Variants in SPDYE4 observed in about 807,000 individuals in gnomAD.
SPDYE4 encodes the protein speedy/RINGO cell cycle regulator family member E4, also known as speedy protein E4.
Under a neutral mutation model 37.5 loss-of-function variants are expected in SPDYE4, and 30 were observed. That is an observed-to-expected ratio of 0.80 (90% confidence interval 0.60 to 1.09). The LOEUF is 1.09. Ranked by LOEUF, SPDYE4 falls within the 50% of genes least tolerant of loss-of-function variation. SPDYE4 has a pLI of 0.00. For missense variants in SPDYE4, 300 were observed against 307.9 expected (o/e 0.97, Z 0.19); for synonymous variants, 131 against 120.3 (o/e 1.09, Z -0.58).
chr17:8,757,630 T>TTTCTCC (rs3830393), intron 1 of SPDYE4, 138 bp from the exon 2 acceptor site: 228,550 of 796,500 alleles, frequency 0.29, 37,682 homozygotes, highest in Admixed American at 0.31. Context: ...TGTTTCCACC[T>TTTCTCC]TTCTCCTTTG....
chr17:8,753,218 T>TGAGAATCCCTG (rs2086741807), intron 5 of SPDYE4, 21 bp from the exon 6 acceptor site: 6 of 1,613,814 alleles, frequency 3.7e-6, no homozygotes, highest in Non-Finnish European at 4.2e-6. Flanking sequence ...ACACACCACT[T>TGAGAATCCCTG]GAGAAGCCAG....
chr17:8,757,121 A>G (rs563839450), intron 2 of SPDYE4, 141 bp downstream of exon 2: 113 of 764,928 alleles, frequency 1.5e-4, no homozygotes, highest in African/African-American at 1.4e-3. Flanking sequence ...CTAATCCTCT[A>G]TCTCCTAAGC....
At position 8,752,190 on chromosome 17, in the gene SPDYE4, G is replaced by A. The variant is rs551896504; in HGVS notation, c.*92C>T. Among the ~76,000 whole-genome samples, 8 of 152,158 alleles carry A rather than the reference G, an allele frequency of 5.3e-5. No individual in the cohort carries two copies. The highest frequency in any genetic ancestry group is 4.4e-5 in the Non-Finnish European group (3 of 68,008). ...CTTCCTGGTGTCTGGCATTAGCGTC[G>A]CGATAAACTTCCTGCTGAAAATTCC... is the stretch of plus-strand genomic sequence containing the variant. On this transcript the variant is annotated 3_prime_UTR_variant, in exon 7 of 7. Coordinates refer to ENST00000689094, the MANE Select transcript of SPDYE4 (RefSeq NM_001394956.1).
In SPDYE4 at chr17:8,757,173, ATTC is replaced by A. The variant is rs145487748; in HGVS notation, c.340+86_340+88del. ...GAGCGCTCATCCCCCAGGAGGGCAT[ATTC>A]TTCTTATTGGGAAAGTGTGATTATT... On this transcript the variant is annotated intron_variant, in intron 2 of 6. Coordinates refer to ENST00000689094, the MANE Select transcript of SPDYE4 (RefSeq NM_001394956.1). 8,517 of 1,290,600 alleles carry A rather than the reference ATTC, an allele frequency of 6.6e-3. 402 individuals carry two copies. In the African/African-American group the frequency reaches 0.11, roughly 17 times the overall value. 79.9% of individuals were successfully genotyped at this position (1,290,600 alleles called of 1,614,324 possible).
chr17:8,756,246 G>A (rs751418742), intron 3 of SPDYE4, 132 bp downstream of exon 3: 42 of 811,912 alleles, frequency 5.2e-5, no homozygotes, highest in Admixed American at 1.6e-4. Context: ...AAATGTGGGC[G>A]CCCAAGAGTA....
Position 8,758,318 on chromosome 17 carries a change from C to T in SPDYE4, c.65G>A (p.Arg22Gln), listed in dbSNP as rs577856472. ...ATCATCCACCACCACCTCGGGGGAC[C>T]GTACCGTTGTGCTAGGCTGGGGGCT... Reference protein sequence around the residue: ...EESPQPSTTVRSPEVVVDDEV... With the variant: ...EESPQPSTTVQSPEVVVDDEV... The change falls in exon 1 of 7, where the codon CGG becomes CAG. Residue 22 changes from arginine to glutamine, a missense_variant. Transcript: ENST00000689094. The T allele has an allele frequency of 2.3e-5, 36 of 1,550,666 alleles. No individual in the cohort carries two copies. Among genetic ancestry groups the T allele is most frequent in the Middle Eastern group, 1.7e-4 (1 of 5,988 alleles).
chr17:8,755,588 G>A lies in SPDYE4; in HGVS notation c.417C>T (p.Val139=). The change falls in exon 4 of 7, where the codon GTC becomes GTT. Residue 139 remains valine (V), a synonymous_variant. Coordinates refer to ENST00000689094, the MANE Select transcript of SPDYE4 (RefSeq NM_001394956.1). ...GGCCGGCACGGCTAAAATACGCTAT[G>A]ACCATAGCCAGGAGATACTGATGGA... ...RVSDKYLLAM[V]IAYFSRAGLF... 1 of 1,612,750 alleles carries A rather than the reference G, an allele frequency of 6.2e-7. No individual in the cohort carries two copies. Among genetic ancestry groups the A allele is most frequent in the Non-Finnish European group, 8.5e-7 (1 of 1,179,348 alleles).
At chr17:8,753,561 G>C in intron 4 of SPDYE4, 72 bp from the exon 5 acceptor site, 14 of 1,568,878 alleles carry the variant, frequency 8.9e-6, no homozygotes, top group Middle Eastern at 2.2e-4. Flanking sequence ...CAGCCTCTCA[G>C]AGAGGAGGGC....
Position 8,752,124 on chromosome 17 carries a change from C to T in SPDYE4, c.*158G>A, listed in dbSNP as rs150558384. Among the ~76,000 whole-genome samples the T allele has an allele frequency of 6.6e-6, 1 of 152,188 alleles. No individual in the cohort carries two copies. Among genetic ancestry groups the T allele is most frequent in the East Asian group, 1.9e-4 (1 of 5,184 alleles). On this transcript the variant is annotated 3_prime_UTR_variant, in exon 7 of 7. Coordinates refer to ENST00000689094, the MANE Select transcript of SPDYE4 (RefSeq NM_001394956.1). ...CTATTTTGCCCCTTCTAGAAGAGTC[C>T]AGCTTCTTCTAGATGATCTGCACAG... is the stretch of plus-strand genomic sequence containing the variant.
chr17:8,757,482 T>C lies in SPDYE4; in HGVS notation c.120A>G (p.Ile40Met), dbSNP rs2086783499. The C allele has an allele frequency of 1.9e-6, 3 of 1,609,204 alleles. No individual in the cohort carries two copies. The highest frequency in any genetic ancestry group is 2.5e-6 in the Non-Finnish European group (3 of 1,177,720). The change falls in exon 2 of 7, where the codon ATA becomes ATG. Residue 40 changes from isoleucine (I) to methionine (M), a missense_variant. Physicochemically the swap from Ile to Met is conservative, Grantham distance 10. Coordinates refer to ENST00000689094, the MANE Select transcript of SPDYE4 (RefSeq NM_001394956.1). ...DEVPGPSAPW[I>M]DPSPQPQSLG... is the part of the protein sequence containing the mutation. ...GGGATTGAGGCTGGGGGCTGGGATCTATCCAAGGGGCTGAGTGAAGAAACC... is the reference window on the plus strand; with the variant it reads ...GGGATTGAGGCTGGGGGCTGGGATCCATCCAAGGGGCTGAGTGAAGAAACC...
rs142364566 is a variant in SPDYE4 at position 8,753,423 on chromosome 17, G to A, written c.552C>T (p.Tyr184=). Residue 184 remains tyrosine (Y), a synonymous_variant, in exon 5 of 7, where the codon TAC becomes TAT. Transcript: ENST00000689094. ...AGGGTCGCTGGGAGTAGTTCTTCCC[G>A]TAGAGGAAGGAGAAGATGTCTTGTT... ...APKQDIFSFL[Y]GKNYSQRPLF... 2.3e-3 allele frequency: 3,738 copies of A among 1,608,886 alleles called. 63 individuals are homozygous for A. The African/African-American group carries it at 0.04, about 17-fold the overall frequency.
At chr17:8,755,691 G>A (rs1468114971) in intron 3 of SPDYE4, 86 bp from the exon 4 acceptor site, 2 of 1,492,372 alleles carry the variant, frequency 1.3e-6, no homozygotes, top group African/African-American at 2.8e-5. Flanking sequence ...ACAGGGGCTG[G>A]GGCGCGGTTG....
intron 1 of SPDYE4, 35 bp from the exon 2 acceptor site, chr17:8,757,527 C>T: frequency 6.2e-7 from 1 of 1,600,874 alleles, no homozygotes; most frequent in Non-Finnish European, 8.5e-7. Context: ...TGTCATGTTT[C>T]TGCCATTGAT....
In SPDYE4 at chr17:8,757,782, TCTC is replaced by T. The variant is rs151072480; in HGVS notation, c.110-293_110-291del. Among the ~76,000 whole-genome samples the T allele has an allele frequency of 2.5e-3, 310 of 123,632 alleles. 2 individuals are homozygous for T. Among genetic ancestry groups the T allele is most frequent in the African/African-American group, 4.9e-3 (173 of 35,024 alleles). 81.1% of individuals were successfully genotyped at this position (123,632 alleles called of 152,430 possible). On this transcript the variant is annotated intron_variant, in intron 1 of 6. Coordinates refer to ENST00000689094, the MANE Select transcript of SPDYE4 (RefSeq NM_001394956.1). The stretch of plus-strand genomic sequence containing the variant: ...GCTCTGTCTGCTCTCTCTCTCTCTC[TCTC>T]TTTTTTTTTTTTTTGAGATGGAGTC...
Position 8,757,009 on chromosome 17 carries a change from C to T in SPDYE4, c.340+253G>A, listed in dbSNP as rs192797351. ...AACTCCTGAGTTCAAGAGATCCTCC[C>T]GCCTCAGCCTCCCAAAGCACCAAGA... On this transcript the variant is annotated intron_variant, in intron 2 of 6. Coordinates refer to ENST00000689094, the MANE Select transcript of SPDYE4 (RefSeq NM_001394956.1). Among the ~76,000 whole-genome samples the T allele has an allele frequency of 2.0e-3, 302 of 152,118 alleles. 1 individual carries two copies. The South Asian group carries it at 0.02, about 10-fold the overall frequency.
At chr17:8,748,921 A>G (rs1244626291), downstream of SPDYE4, among the ~76,000 whole-genome samples, 2 of 152,178 alleles carry the variant, frequency 1.3e-5, no homozygotes, top group African/African-American at 4.8e-5. Context: ...CCAGTCACAC[A>G]GGCAGATTCA....
chr17:8,755,639 G>A (rs759034605), intron 3 of SPDYE4, 34 bp from the exon 4 acceptor site: 106 of 1,605,280 alleles, frequency 6.6e-5, no homozygotes, highest in East Asian at 3.6e-4. Context: ...AGAGAGAAAG[G>A]TTGGTCACAT....
intron 5 of SPDYE4, 38 bp downstream of exon 5, chr17:8,753,283 C>CAG: frequency 1.4e-6 from 1 of 705,318 alleles, no homozygotes; most frequent in South Asian, 1.5e-5. Context: ...TCCACCCCAT[C>CAG]CCTCCCCACC....
At position 8,757,455 on chromosome 17, in the gene SPDYE4, A is replaced by G. The variant is rs2086782949; in HGVS notation, c.147T>C (p.Leu49=). Residue 49 remains leucine, a synonymous_variant, in exon 2 of 7, where the codon CTT becomes CTC. Coordinates refer to ENST00000689094, the MANE Select transcript of SPDYE4 (RefSeq NM_001394956.1). The stretch of plus-strand genomic sequence containing the variant: ...ACCATTCGCTCTTCCTTTTCAGGCC[A>G]AGGGATTGAGGCTGGGGGCTGGGAT... ...WIDPSPQPQS[L]GLKRKSEWSD... 3 of 1,605,302 alleles carry G rather than the reference A, an allele frequency of 1.9e-6. No individual in the cohort carries two copies. The highest frequency in any genetic ancestry group is 2.6e-6 in the Non-Finnish European group (3 of 1,175,738).
Sources: gnomAD v4.1 joint callset for allele counts (sites outside exome capture counted in the v4.1 genomes callset) on GRCh38, gnomAD v4.1.1 for gene constraint, MANE v1.5 for transcripts, NCBI Gene and HGNC (gene_info 2026-07-23, HGNC 2026-07-21) for gene names.